EFCAB13: variants seen among roughly 807,000 people sequenced by gnomAD.
EFCAB13 encodes EF-hand calcium binding domain 13.
EFCAB13 carries 91 observed loss-of-function variants against 110.2 expected under a neutral mutation model. The observed-to-expected ratio is 0.83, with a 90% CI of 0.70 to 0.98. The LOEUF (loss-of-function observed/expected upper bound fraction) is 0.98. Among genes scored for constraint, EFCAB13 ranks in the 50% least tolerant of loss-of-function variants. The pLI, the probability that EFCAB13 is intolerant of heterozygous loss-of-function variation, is 0.00. For missense variants in EFCAB13, 968 were observed against 1,119.4 expected, an observed-to-expected ratio of 0.86 and a Z score of 1.93; for synonymous variants, 323 against 369.9, an observed-to-expected ratio of 0.87 and a Z score of 1.45.
At position 47,326,247 on chromosome 17, in the gene EFCAB13, C is replaced by A. The variant is rs2065285597; in HGVS notation, c.-226C>A. On this transcript the variant is annotated 5_prime_UTR_variant, in exon 3 of 25. The change creates a premature stop within an existing upstream ORF in the 5' untranslated region. Transcript: ENST00000331493. Reference sequence around the variant, plus strand: ...TAAGTTTGGAGAGGCTTATGCGGTACCTGATTCATCCAGCAAATTAAGACC... The same window carrying A: ...TAAGTTTGGAGAGGCTTATGCGGTAACTGATTCATCCAGCAAATTAAGACC... 1 of 152,058 alleles carries A rather than the reference C, an allele frequency of 6.6e-6. No homozygotes were observed. The highest frequency in any genetic ancestry group is 1.5e-5 in the Non-Finnish European group (1 of 68,006). The allele number at this position is 152,058 out of a possible 1,614,324, so 9.4% of individuals were successfully genotyped here. A position where few individuals can be genotyped will look rare whatever the true frequency, so the allele number is the denominator to read the frequency against.
chr17:47,421,549 T>C (rs1469334297), intron 23 of EFCAB13, among the ~76,000 whole-genome samples: 2 of 151,208 alleles, frequency 1.3e-5, no homozygotes, highest in African/African-American at 4.9e-5. Flanking sequence ...CTTGTTTATC[T>C]GCTGACCTTC....
intron 17 of EFCAB13, among the ~76,000 whole-genome samples, chr17:47,396,676 CAG>C (rs953984518): frequency 7.9e-5 from 12 of 152,140 alleles, no homozygotes; most frequent in African/African-American, 2.9e-4. Context: ...AGCATGCTGT[CAG>C]GGGTCTTTGT....
chr17:47,350,584 T>TG (rs2065443982), intron 9 of EFCAB13, among the ~76,000 whole-genome samples: 1 of 150,972 alleles, frequency 6.6e-6, no homozygotes, highest in Non-Finnish European at 1.5e-5. Flanking sequence ...CACGCCTTTG[T>TG]TTGTGTGTGT....
At chr17:47,341,249 G>C (rs1325683808) in intron 5 of EFCAB13, 1 of 152,176 alleles carries the variant, frequency 6.6e-6, no homozygotes, top group African/African-American at 2.4e-5. Flanking sequence ...ATTTTATTGA[G>C]TCCTGATGCA....
chr17:47,393,920 G>A (rs971975554), intron 15 of EFCAB13, 105 bp from the exon 16 acceptor site: 1 of 567,022 alleles, frequency 1.8e-6, no homozygotes. Context: ...TTACCTGATG[G>A]ATATAATTAT....
intron 2 of EFCAB13, among the ~76,000 whole-genome samples, chr17:47,325,331 C>G (rs549242552): frequency 6.6e-6 from 1 of 152,168 alleles, no homozygotes; most frequent in Non-Finnish European, 1.5e-5. Flanking sequence ...AGCCTGATTG[C>G]TCACTCTTGA....
Position 47,374,534 on chromosome 17 carries a change from G to A in EFCAB13, c.940G>A (p.Gly314Arg). ...AGACAGAAAGTTATCAAGTGTAGCA[G>A]GATGCTATCTAAAATATAAGAAGAA... ...TSDRKLSSVA[G>R]CYLKYKKKNS... Residue 314 changes from glycine (G) to arginine (R), a missense_variant, in exon 12 of 25, where the codon GGA (glycine) becomes AGA (arginine). Transcript: ENST00000331493. 6.3e-7 allele frequency: 1 copy of A among 1,578,476 alleles called. No homozygotes were observed. Among genetic ancestry groups the A allele is most frequent in the Non-Finnish European group, 8.6e-7 (1 of 1,167,996 alleles).
chr17:47,355,761 C>T (rs1004022853), intron 9 of EFCAB13, among the ~76,000 whole-genome samples: 3 of 151,788 alleles, frequency 2.0e-5, no homozygotes, highest in African/African-American at 4.8e-5. Flanking sequence ...TTAGTAGAGA[C>T]GGGGTTTCAC....
At chr17:47,419,702 C>A (rs1904566811) in intron 23 of EFCAB13, among the ~76,000 whole-genome samples, 1 of 152,124 alleles carries the variant, frequency 6.6e-6, no homozygotes, top group Non-Finnish European at 1.5e-5. Flanking sequence ...TATTACTGTT[C>A]AGGAGTTACA....
At chr17:47,421,119 C>T (rs528015924) in intron 23 of EFCAB13, among the ~76,000 whole-genome samples, 503 of 151,808 alleles carry the variant, frequency 3.3e-3, no homozygotes, top group African/African-American at 0.012. Context: ...CCCCTCTGCC[C>T]GGCCACCACC....
chr17:47,379,403 C>T, intron 14 of EFCAB13, 150 bp downstream of exon 14: 1 of 584,954 alleles, frequency 1.7e-6, no homozygotes, highest in Non-Finnish European at 3.0e-6. Context: ...TAAAAACTTG[C>T]TATATCAGAG....
At chr17:47,360,283 ACCTGTTGTTT>A (rs2065505456) in intron 9 of EFCAB13, among the ~76,000 whole-genome samples, 1 of 151,982 alleles carries the variant, frequency 6.6e-6, no homozygotes. Context: ...CCTCTCCAGC[ACCTGTTGTTT>A]CCTGACTTTT....
At chr17:47,365,097 C>T (rs530663005) in intron 10 of EFCAB13, among the ~76,000 whole-genome samples, 86 of 152,266 alleles carry the variant, frequency 5.6e-4, no homozygotes, top group Non-Finnish European at 1.1e-3. Context: ...TAGCACTATT[C>T]GCAATTGAAA....
intron 4 of EFCAB13, chr17:47,328,668 A>C: frequency 3.2e-6 from 1 of 312,040 alleles, no homozygotes; most frequent in Non-Finnish European, 5.8e-6. Flanking sequence ...TTAAACTTAC[A>C]TGAGAGGTTG....
chr17:47,439,672 A>C (rs1473463467), intron 24 of EFCAB13, among the ~76,000 whole-genome samples: 1 of 152,080 alleles, frequency 6.6e-6, no homozygotes, highest in Non-Finnish European at 1.5e-5. Flanking sequence ...GATTAAATTT[A>C]TGTGTCTACT....
chr17:47,429,449 G>A lies in EFCAB13; in HGVS notation c.2495-369G>A, dbSNP rs927841250. On this transcript the variant is annotated intron_variant, in intron 23 of 24. Coordinates refer to ENST00000331493, the MANE Select transcript of EFCAB13 (RefSeq NM_152347.5). Reference sequence around the variant, plus strand: ...AAGAGGATGGGCTTTGGAACTATAGGGTCTGTTACTTAAATCCCATCCCTG... The same window carrying A: ...AAGAGGATGGGCTTTGGAACTATAGAGTCTGTTACTTAAATCCCATCCCTG... 2.6e-5 allele frequency among the ~76,000 whole-genome samples: 4 copies of A among 152,068 alleles called. No individual in the cohort carries two copies. In the East Asian group the frequency reaches 7.7e-4, roughly 29 times the overall value.
chr17:47,368,065 T>C (rs748527081), intron 10 of EFCAB13, among the ~76,000 whole-genome samples: 3 of 152,186 alleles, frequency 2.0e-5, no homozygotes, highest in Non-Finnish European at 2.9e-5. Flanking sequence ...ACAAATGCAT[T>C]ATTCCATATA....
chr17:47,395,009 T>TAA (rs2065729332), intron 16 of EFCAB13, among the ~76,000 whole-genome samples: 1 of 152,190 alleles, frequency 6.6e-6, no homozygotes, highest in Non-Finnish European at 1.5e-5. Context: ...ATATACCTCA[T>TAA]TGGGACCTTA....
intron 23 of EFCAB13, among the ~76,000 whole-genome samples, chr17:47,424,685 G>T (rs1240186455): frequency 6.6e-6 from 1 of 151,826 alleles, no homozygotes; most frequent in Non-Finnish European, 1.5e-5. Flanking sequence ...CTTCAGCCAG[G>T]CTATAAGTCA....
Sources: gnomAD v4.1 joint callset for allele counts (sites outside exome capture counted in the v4.1 genomes callset) on GRCh38, gnomAD v4.1.1 for gene constraint, MANE v1.5 for transcripts, NCBI Gene and HGNC (gene_info 2026-07-23, HGNC 2026-07-21) for gene names.